TIAM1: variants seen among roughly 807,000 people sequenced by gnomAD.
TIAM1 encodes the protein rho guanine nucleotide exchange factor TIAM1.
In TIAM1, 65 loss-of-function variants were observed where a neutral mutation model predicts 163.5. The observed-to-expected ratio is 0.40, with a 90% CI of 0.33 to 0.49. TIAM1 has a LOEUF of 0.49. TIAM1 is among the 20% of genes least tolerant of loss of function. The probability of loss-of-function intolerance (pLI) is 0.77; values close to 1 mark genes in which losing one functional copy is unlikely to be tolerated. For missense variants in TIAM1, 1,789 were observed against 2,044.7 expected (o/e 0.87, Z 2.41); for synonymous variants, 833 against 810.1 (o/e 1.03, Z -0.48).
intron 2 of TIAM1, among the ~76,000 whole-genome samples, chr21:31,313,339 T>C (rs1477134003): frequency 1.3e-5 from 2 of 152,118 alleles, no homozygotes; most frequent in Admixed American, 6.6e-5. Flanking sequence ...TTTAGCTCTT[T>C]GTGTGTTTTT....
intron 1 of TIAM1, among the ~76,000 whole-genome samples, chr21:31,547,503 A>T (rs2048537502): frequency 6.6e-6 from 1 of 152,238 alleles, no homozygotes; most frequent in Non-Finnish European, 1.5e-5. Context: ...AAGGAAAAAA[A>T]CTACAGGGTG....
At chr21:31,458,779 G>A (rs1460911679) in intron 2 of TIAM1, among the ~76,000 whole-genome samples, 2 of 152,160 alleles carry the variant, frequency 1.3e-5, no homozygotes, top group African/African-American at 2.4e-5. Context: ...CTGGGGAGAG[G>A]GCTGCTACTT....
chr21:31,531,598 T>C (rs1333402175), intron 1 of TIAM1, among the ~76,000 whole-genome samples: 4 of 151,528 alleles, frequency 2.6e-5, no homozygotes, highest in Non-Finnish European at 4.4e-5. Context: ...GGGAATGAGA[T>C]GGTGAAAGAA....
chr21:31,308,455 T>C (rs894136909), intron 2 of TIAM1, among the ~76,000 whole-genome samples: 1 of 150,660 alleles, frequency 6.6e-6, no homozygotes, highest in African/African-American at 2.4e-5. Context: ...ATTAAATCAC[T>C]AATATATGGT....
intron 19 of TIAM1, among the ~76,000 whole-genome samples, chr21:31,147,744 ATAT>A (rs1333653550): frequency 7.0e-6 from 1 of 142,852 alleles, no homozygotes; most frequent in African/African-American, 2.6e-5. Context: ...ATATAAAAAT[ATAT>A]AATATATAAT....
chr21:31,478,157 T>C (rs1268867081), intron 1 of TIAM1, among the ~76,000 whole-genome samples: 1 of 152,204 alleles, frequency 6.6e-6, no homozygotes, highest in Non-Finnish European at 1.5e-5. Flanking sequence ...TTTTAATTTT[T>C]AGCAAGCAAA....
intron 1 of TIAM1, among the ~76,000 whole-genome samples, chr21:31,465,154 C>A (rs1249736641): frequency 6.6e-6 from 1 of 151,826 alleles, no homozygotes; most frequent in Non-Finnish European, 1.5e-5. Context: ...ACGGTGATTG[C>A]GTGATTGCAC....
At chr21:31,121,276 A>C (rs2081991628) in intron 27 of TIAM1, among the ~76,000 whole-genome samples, 1 of 152,154 alleles carries the variant, frequency 6.6e-6, no homozygotes, top group Non-Finnish European at 1.5e-5. Flanking sequence ...TGCTATGAAG[A>C]TCCCCAGGGC....
intron 6 of TIAM1, among the ~76,000 whole-genome samples, chr21:31,233,627 C>G (rs528834693): frequency 1.1e-4 from 16 of 152,324 alleles, no homozygotes; most frequent in African/African-American, 3.8e-4. Context: ...ATTGCTCGAA[C>G]CTGGGAGGCA....
At chr21:31,210,578 GA>G (rs1569031027) in intron 10 of TIAM1, among the ~76,000 whole-genome samples, 25 of 118,114 alleles carry the variant, frequency 2.1e-4, no homozygotes, top group African/African-American at 8.4e-4. Flanking sequence ...AAGAAAGAAA[GA>G]AAGAAAGAAA....
chr21:31,169,609 G>A (rs1291155872), intron 15 of TIAM1, among the ~76,000 whole-genome samples: 1 of 152,146 alleles, frequency 6.6e-6, no homozygotes, highest in African/African-American at 2.4e-5. Flanking sequence ...ATCATGAACA[G>A]AATCTCACTG....
intron 2 of TIAM1, among the ~76,000 whole-genome samples, chr21:31,293,615 C>T (rs1005474490): frequency 6.6e-6 from 1 of 152,242 alleles, no homozygotes; most frequent in African/African-American, 2.4e-5. Context: ...GACTCTCTTC[C>T]ATCCCACAAG....
intron 2 of TIAM1, among the ~76,000 whole-genome samples, chr21:31,352,111 C>T (rs748367971): frequency 6.6e-6 from 1 of 151,732 alleles, no homozygotes. Flanking sequence ...CACAAAATAC[C>T]GTCATTTTCA....
chr21:31,188,539 T>C (rs543376375), intron 13 of TIAM1, among the ~76,000 whole-genome samples: 1 of 152,278 alleles, frequency 6.6e-6, no homozygotes, highest in Non-Finnish European at 1.5e-5. Context: ...CTTTTTGAAA[T>C]GCCATCATTC....
chr21:31,342,216 G>A (rs773045672), intron 1 of TIAM1, among the ~76,000 whole-genome samples: 8 of 151,966 alleles, frequency 5.3e-5, no homozygotes, highest in Admixed American at 2.6e-4. Flanking sequence ...AGGTTGGGGC[G>A]GGAGGATCAC....
At chr21:31,152,537 C>A (rs1313103286) in intron 19 of TIAM1, 99 bp downstream of exon 19, 7 of 1,519,482 alleles carry the variant, frequency 4.6e-6, no homozygotes, top group Middle Eastern at 3.5e-4. Context: ...TAGGAACAGA[C>A]CCCACTGTGG....
At chr21:31,357,579 C>T (rs114556768) in intron 2 of TIAM1, among the ~76,000 whole-genome samples, 2,929 of 152,280 alleles carry the variant, frequency 0.019, 31 homozygotes, top group African/African-American at 0.033. Flanking sequence ...TTTCCTCTCT[C>T]TCCTCCACAT....
intron 2 of TIAM1, among the ~76,000 whole-genome samples, chr21:31,457,511 TA>T (rs1602326912): frequency 6.6e-6 from 1 of 152,160 alleles, no homozygotes; most frequent in Non-Finnish European, 1.5e-5. Flanking sequence ...ACATTCTGGT[TA>T]GGGGGGAGAT....
intron 16 of TIAM1, among the ~76,000 whole-genome samples, chr21:31,155,328 C>T (rs978440646): frequency 3.9e-5 from 6 of 152,196 alleles, no homozygotes; most frequent in Admixed American, 1.3e-4. Context: ...TTCAACCTCC[C>T]GATGCCCATG....
Sources: allele counts gnomAD v4.1 joint callset (sites outside exome capture counted in the v4.1 genomes callset), GRCh38; gene constraint gnomAD v4.1.1; transcripts MANE v1.5; gene names NCBI Gene and HGNC (gene_info 2026-07-23, HGNC 2026-07-21).